Variants in HSD17B2 observed in about 807,000 individuals in gnomAD.
The protein encoded by HSD17B2 is hydroxysteroid 17-beta dehydrogenase 2.
A neutral mutation model predicts 26.9 loss-of-function variants in HSD17B2; 32 were observed. The ratio of observed to expected loss-of-function variants is 1.19; its 90% CI spans 0.90 to 1.60. The LOEUF (loss-of-function observed/expected upper bound fraction) is 1.60, where lower values mean the gene tolerates loss of function less well. Ranked by LOEUF, HSD17B2 falls within the 40% of genes most tolerant of loss-of-function variation. The probability of loss-of-function intolerance (pLI) is 0.00; values close to 1 mark genes in which losing one functional copy is unlikely to be tolerated. For synonymous variants in HSD17B2, 246 were observed against 186.7 expected (o/e 1.32, Z -2.59); for missense variants, 613 against 468.6 (o/e 1.31, Z -2.85).
intron 4 of HSD17B2, chr16:82,094,121 A>G (rs1452600667): frequency 6.6e-6 from 1 of 152,154 alleles, no homozygotes; most frequent in Non-Finnish European, 1.5e-5. Context: ...TATGACTTGT[A>G]TCTTGTGATA....
At chr16:82,059,616 G>A (rs999779749) in intron 1 of HSD17B2, among the ~76,000 whole-genome samples, 1 of 152,130 alleles carries the variant, frequency 6.6e-6, no homozygotes, top group Non-Finnish European at 1.5e-5. Context: ...TCTTCTGTGG[G>A]TGGGTGTTTT....
At chr16:82,081,035 A>G (rs1186288502) in intron 3 of HSD17B2, among the ~76,000 whole-genome samples, 1 of 151,534 alleles carries the variant, frequency 6.6e-6, no homozygotes, top group Non-Finnish European at 1.5e-5. Flanking sequence ...CTGGCTCCCA[A>G]ATCTCCCTGG....
chr16:82,083,744 C>T (rs752769521), intron 3 of HSD17B2, among the ~76,000 whole-genome samples: 35 of 152,164 alleles, frequency 2.3e-4, no homozygotes, highest in Non-Finnish European at 2.8e-4. Context: ...CACTTACTAG[C>T]TCCTGAGGAG....
chr16:82,039,862 G>A (rs1288900730), intron 1 of HSD17B2, among the ~76,000 whole-genome samples: 1 of 152,182 alleles, frequency 6.6e-6, no homozygotes, highest in African/African-American at 2.4e-5. Context: ...CTGTGGCTGT[G>A]TGATGGGGCA....
At chr16:82,040,666 T>A (rs769199135) in intron 1 of HSD17B2, among the ~76,000 whole-genome samples, 5 of 152,190 alleles carry the variant, frequency 3.3e-5, no homozygotes, top group Non-Finnish European at 5.9e-5. Flanking sequence ...AGCTTGGCAA[T>A]TGATTGGGTG....
chr16:82,058,075 T>A (rs1914326744), intron 1 of HSD17B2, among the ~76,000 whole-genome samples: 1 of 151,452 alleles, frequency 6.6e-6, no homozygotes, highest in African/African-American at 2.4e-5. Flanking sequence ...TTGTTAATTT[T>A]TTTTTTTTTT....
chr16:82,094,449 T>A (rs963398698), intron 4 of HSD17B2: 4 of 152,398 alleles, frequency 2.6e-5, no homozygotes, highest in Admixed American at 6.5e-5. Flanking sequence ...TTGGGGTGGA[T>A]AACATGCCCT....
In HSD17B2 at chr16:82,098,178, A is replaced by C. The variant is rs371619319; in HGVS notation, c.906A>C (p.Ala302=). 1.2e-6 allele frequency: 2 copies of C among 1,614,124 alleles called. No individual in the cohort carries two copies. Among genetic ancestry groups the C allele is most frequent in the Admixed American group, 1.7e-5 (1 of 60,022 alleles). ...QEDYGQDYIL[A]QRNFLLLINS... is the part of the protein sequence containing the mutation. ...ACTACGGCCAGGACTACATCTTAGC[A>C]CAGCGGAATTTCCTCCTATTGATCA... The change falls in exon 5 of 5, where the codon GCA becomes GCC. Residue 302 remains alanine, a synonymous_variant. Transcript: ENST00000199936.
intron 1 of HSD17B2, among the ~76,000 whole-genome samples, chr16:82,036,539 T>A (rs1913631329): frequency 6.6e-6 from 1 of 152,012 alleles, no homozygotes; most frequent in African/African-American, 2.4e-5. Context: ...GGGGAGATCA[T>A]CACCCCTCTG....
chr16:82,048,373 T>A (rs1218999183), intron 1 of HSD17B2, among the ~76,000 whole-genome samples: 1 of 152,166 alleles, frequency 6.6e-6, no homozygotes, highest in Admixed American at 6.5e-5. Flanking sequence ...GCCTTGGGGA[T>A]ACCGATTAGA....
chr16:82,039,460 CAG>C (rs1258094378), intron 1 of HSD17B2, among the ~76,000 whole-genome samples: 1 of 151,874 alleles, frequency 6.6e-6, no homozygotes, highest in African/African-American at 2.4e-5. Context: ...CGTTGACAAA[CAG>C]AGAGAAGAAG....
chr16:82,087,005 C>T (rs1464758084), intron 3 of HSD17B2, among the ~76,000 whole-genome samples: 1 of 152,144 alleles, frequency 6.6e-6, no homozygotes, highest in African/African-American at 2.4e-5. Flanking sequence ...GATCAAGGGC[C>T]TCATCTTTCT....
intron 1 of HSD17B2, among the ~76,000 whole-genome samples, chr16:82,045,069 G>C (rs559372934): frequency 2.9e-4 from 40 of 140,100 alleles, no homozygotes; most frequent in African/African-American, 1.1e-3. Flanking sequence ...GTTGCAGTGA[G>C]CTGAGATCAC....
chr16:82,062,161 C>T (rs1343323667), intron 1 of HSD17B2, among the ~76,000 whole-genome samples: 2 of 152,138 alleles, frequency 1.3e-5, no homozygotes, highest in African/African-American at 4.8e-5. Flanking sequence ...ACATTATTTC[C>T]CTTTTGCACA....
At chr16:82,071,151 G>T in intron 3 of HSD17B2, 24 bp downstream of exon 3, 1 of 1,608,748 alleles carries the variant, frequency 6.2e-7, no homozygotes, top group African/African-American at 1.3e-5. Flanking sequence ...TTCACACATG[G>T]TCATGGGGTG....
At chr16:82,047,628 T>C (rs1404793034) in intron 1 of HSD17B2, among the ~76,000 whole-genome samples, 2 of 151,772 alleles carry the variant, frequency 1.3e-5, no homozygotes, top group Admixed American at 6.6e-5. Flanking sequence ...AGGCCATGAG[T>C]TGGAAGGGCA....
At chr16:82,042,304 C>A (rs1913788958) in intron 1 of HSD17B2, among the ~76,000 whole-genome samples, 1 of 152,060 alleles carries the variant, frequency 6.6e-6, no homozygotes, top group South Asian at 2.1e-4. Flanking sequence ...CACGCCCAGC[C>A]TCCCACAGTG....
chr16:82,055,846 G>A (rs919653981), intron 1 of HSD17B2, among the ~76,000 whole-genome samples: 2 of 152,164 alleles, frequency 1.3e-5, no homozygotes, highest in African/African-American at 2.4e-5. Flanking sequence ...TGAGGGTGGC[G>A]AATTGGTTTC....
intron 3 of HSD17B2, among the ~76,000 whole-genome samples, chr16:82,081,663 G>A (rs575422561): frequency 5.3e-5 from 8 of 152,184 alleles, no homozygotes; most frequent in Non-Finnish European, 1.0e-4. Flanking sequence ...AAAGTTCTTA[G>A]CATAGCTGCT....
Sources: allele counts gnomAD v4.1 joint callset (sites outside exome capture counted in the v4.1 genomes callset), GRCh38; gene constraint gnomAD v4.1.1; transcripts MANE v1.5; gene names NCBI Gene and HGNC (gene_info 2026-07-23, HGNC 2026-07-21).